Variants in RBFOX1 observed in about 807,000 individuals in gnomAD.
The protein encoded by RBFOX1 is RNA binding protein fox-1 homolog 1.
A neutral mutation model predicts 57.7 loss-of-function variants in RBFOX1; 8 were observed. The observed-to-expected ratio is 0.14, with a 90% CI of 0.08 to 0.25. RBFOX1 has a LOEUF of 0.25. Ranked by LOEUF, RBFOX1 falls within the 10% of genes least tolerant of loss-of-function variation. The probability of loss-of-function intolerance (pLI) is 1.00; values close to 1 mark genes in which losing one functional copy is unlikely to be tolerated. For missense variants in RBFOX1, 611 were observed against 548.5 expected, an observed-to-expected ratio of 1.11 and a Z score of -1.14; for synonymous variants, 326 against 222.4, an observed-to-expected ratio of 1.47 and a Z score of -4.15.
At chr16:7,561,686 A>G (rs568851977) in intron 5 of RBFOX1, among the ~76,000 whole-genome samples, 4 of 152,212 alleles carry the variant, frequency 2.6e-5, no homozygotes, top group Non-Finnish European at 5.9e-5. Flanking sequence ...TGTTTGAAGC[A>G]TTTATATTAA....
chr16:7,205,878 C>T (rs1009567653), intron 4 of RBFOX1, among the ~76,000 whole-genome samples: 1 of 152,192 alleles, frequency 6.6e-6, no homozygotes, highest in Non-Finnish European at 1.5e-5. Context: ...TTAACGCATC[C>T]AAAGCAAGGC....
At chr16:5,873,983 G>A (rs1236833884) in intron 4 of RBFOX1, among the ~76,000 whole-genome samples, 1 of 152,192 alleles carries the variant, frequency 6.6e-6, no homozygotes, top group Admixed American at 6.5e-5. Context: ...AAACAGTGAA[G>A]GAGAATGATG....
At chr16:5,995,455 G>C (rs2060474168) in intron 4 of RBFOX1, among the ~76,000 whole-genome samples, 1 of 152,100 alleles carries the variant, frequency 6.6e-6, no homozygotes, top group Non-Finnish European at 1.5e-5. Context: ...TTTTTGAAGA[G>C]GAATTTAGAG....
At chr16:7,323,741 T>C (rs1035971877) in intron 4 of RBFOX1, among the ~76,000 whole-genome samples, 2 of 152,166 alleles carry the variant, frequency 1.3e-5, no homozygotes, top group African/African-American at 4.8e-5. Flanking sequence ...GTCTGGCACA[T>C]AGTAAGCATT....
chr16:7,109,542 A>C (rs1339430797), intron 4 of RBFOX1, among the ~76,000 whole-genome samples: 1 of 152,098 alleles, frequency 6.6e-6, no homozygotes, highest in Non-Finnish European at 1.5e-5. Flanking sequence ...AAAGAGAGGG[A>C]GGTCTCTGCA....
chr16:5,725,898 G>T (rs2052134818), intron 3 of RBFOX1, among the ~76,000 whole-genome samples: 1 of 151,732 alleles, frequency 6.6e-6, no homozygotes, highest in Admixed American at 6.6e-5. Context: ...TGCAGGTTGG[G>T]GTTAATTCCT....
chr16:7,517,535 C>G (rs74386112), intron 4 of RBFOX1, among the ~76,000 whole-genome samples: 5,917 of 77,978 alleles, frequency 0.076, 398 homozygotes, highest in African/African-American at 0.21. Flanking sequence ...ACATCATACA[C>G]GCATACACAC....
At chr16:7,276,233 G>A (rs910350157) in intron 4 of RBFOX1, among the ~76,000 whole-genome samples, 1 of 152,140 alleles carries the variant, frequency 6.6e-6, no homozygotes, top group African/African-American at 2.4e-5. Flanking sequence ...AGCTATTTCT[G>A]GCTGCAGACT....
chr16:6,150,066 G>A (rs948419988), intron 1 of RBFOX1, among the ~76,000 whole-genome samples: 4 of 152,150 alleles, frequency 2.6e-5, no homozygotes, highest in African/African-American at 9.7e-5. Context: ...TGCACTGTGG[G>A]GCAAGGTGTT....
chr16:6,340,053 A>G (rs2084322537), intron 2 of RBFOX1, among the ~76,000 whole-genome samples: 1 of 152,126 alleles, frequency 6.6e-6, no homozygotes, highest in African/African-American at 2.4e-5. Context: ...ATGGGGATGC[A>G]AAAGGTTGGT....
intron 3 of RBFOX1, among the ~76,000 whole-genome samples, chr16:5,644,755 A>G (rs2048992649): frequency 6.6e-6 from 1 of 152,250 alleles, no homozygotes. Context: ...ACTCCGTTGT[A>G]TGAATATACC....
At chr16:7,402,712 T>G (rs2098265788) in intron 4 of RBFOX1, among the ~76,000 whole-genome samples, 2 of 152,168 alleles carry the variant, frequency 1.3e-5, no homozygotes, top group Admixed American at 6.5e-5. Context: ...CCTAATATGG[T>G]AAATATTTCA....
At chr16:7,368,981 G>C (rs181941134) in intron 4 of RBFOX1, among the ~76,000 whole-genome samples, 1 of 152,126 alleles carries the variant, frequency 6.6e-6, no homozygotes, top group African/African-American at 2.4e-5. Context: ...CAATGATCCT[G>C]CAGCTGAGCA....
At position 6,529,997 on chromosome 16, in the gene RBFOX1, G is replaced by T. The variant is rs569840933; in HGVS notation, c.-63-124606G>T. On this transcript the variant is annotated intron_variant, in intron 2 of 15. Transcript: ENST00000550418. ...TGGTCCCTTTTGGTTATTAGATATA[G>T]TCTCAATGGGTATTTATGTCTCTGT... 2.6e-4 allele frequency among the ~76,000 whole-genome samples: 40 copies of T among 152,196 alleles called. No homozygotes were observed. In the South Asian group the frequency reaches 8.3e-3, roughly 32 times the overall value.
intron 3 of RBFOX1, among the ~76,000 whole-genome samples, chr16:5,803,797 T>A (rs1458046429): frequency 1.3e-5 from 2 of 152,226 alleles, no homozygotes; most frequent in Non-Finnish European, 2.9e-5. Flanking sequence ...ATTATGTTGC[T>A]TCAGTTAAAG....
chr16:5,634,662 C>T (rs1387793676), intron 3 of RBFOX1, among the ~76,000 whole-genome samples: 1 of 152,102 alleles, frequency 6.6e-6, no homozygotes, highest in Admixed American at 6.5e-5. Flanking sequence ...ATAGATCACT[C>T]GGAGTCAAAG....
At chr16:5,855,963 T>A (rs2151874302) in intron 3 of RBFOX1, among the ~76,000 whole-genome samples, 1 of 145,676 alleles carries the variant, frequency 6.9e-6, no homozygotes, top group Admixed American at 7.0e-5. Context: ...AGTTTATTCC[T>A]ATGTATGTTA....
At chr16:6,296,125 G>C (rs932093518) in intron 1 of RBFOX1, among the ~76,000 whole-genome samples, 2 of 152,150 alleles carry the variant, frequency 1.3e-5, no homozygotes, top group Non-Finnish European at 2.9e-5. Flanking sequence ...TTTGCTACAT[G>C]CCTTGGGCAC....
At chr16:5,378,895 A>G (rs2066059540) in intron 1 of RBFOX1, among the ~76,000 whole-genome samples, 1 of 151,710 alleles carries the variant, frequency 6.6e-6, no homozygotes, top group South Asian at 2.1e-4. Context: ...GACTGTATAC[A>G]TAGAGAGATT....
Sources: allele counts gnomAD v4.1 joint callset (sites outside exome capture counted in the v4.1 genomes callset), GRCh38; gene constraint gnomAD v4.1.1; transcripts MANE v1.5; gene names NCBI Gene and HGNC (gene_info 2026-07-23, HGNC 2026-07-21).